The following SH2D4A variants were observed in gnomAD, a reference collection of about 807,000 sequenced individuals.
The protein encoded by SH2D4A is SH2 domain containing 4A.
SH2D4A carries 70 observed loss-of-function variants against 64.7 expected under a neutral mutation model. The observed-to-expected ratio is 1.08, with a 90% confidence interval of 0.89 to 1.32. The LOEUF is 1.32. Among genes scored for constraint, SH2D4A ranks in the 40% most tolerant of loss-of-function variants. The pLI, the probability that SH2D4A is intolerant of heterozygous loss-of-function variation, is 0.00. For missense variants in SH2D4A, 706 were observed against 540.1 expected (o/e 1.31, Z -3.04); for synonymous variants, 268 against 200.7 (o/e 1.34, Z -2.83).
At chr8:19,387,913 G>A (rs542188004) in intron 8 of SH2D4A, among the ~76,000 whole-genome samples, 1 of 152,340 alleles carries the variant, frequency 6.6e-6, no homozygotes, top group East Asian at 1.9e-4. Context: ...ATAATGAAGT[G>A]AGGATGAATA....
intron 8 of SH2D4A, among the ~76,000 whole-genome samples, chr8:19,384,229 A>G (rs1200034034): frequency 6.6e-6 from 1 of 152,184 alleles, no homozygotes; most frequent in East Asian, 1.9e-4. Context: ...CAGAGGGTCA[A>G]CACCCTCACC....
At chr8:19,361,556 T>A (rs1165917526) in intron 6 of SH2D4A, among the ~76,000 whole-genome samples, 1 of 148,392 alleles carries the variant, frequency 6.7e-6, no homozygotes, top group Non-Finnish European at 1.5e-5. Flanking sequence ...TCAAATAGCA[T>A]GATATATAGC....
intron 2 of SH2D4A, among the ~76,000 whole-genome samples, chr8:19,324,705 G>A (rs971143351): frequency 6.6e-6 from 1 of 152,138 alleles, no homozygotes; most frequent in African/African-American, 2.4e-5. Flanking sequence ...CTGCACTGGT[G>A]GTTTGTGGTT....
In SH2D4A at chr8:19,373,346, G is replaced by A. The variant is rs907707050; in HGVS notation, c.918-184G>A. Among the ~76,000 whole-genome samples, 520 of 146,258 alleles carry A rather than the reference G, an allele frequency of 3.6e-3. 1 individual carries two copies. The highest frequency in any genetic ancestry group is 4.2e-3 in the Non-Finnish European group (278 of 66,760). ...TCCCCCCACCCCCACACACACATGT[G>A]TATATATATATATATGTATATATAT... is the stretch of plus-strand genomic sequence containing the variant. On this transcript the variant is annotated intron_variant, in intron 7 of 9. Coordinates refer to ENST00000265807, the MANE Select transcript of SH2D4A (RefSeq NM_022071.4).
At chr8:19,323,458 G>A (rs2117182412) in intron 2 of SH2D4A, among the ~76,000 whole-genome samples, 1 of 149,470 alleles carries the variant, frequency 6.7e-6, no homozygotes, top group Non-Finnish European at 1.5e-5. Context: ...TCAGCTCACT[G>A]CAACCTCTGC....
intron 8 of SH2D4A, among the ~76,000 whole-genome samples, chr8:19,391,179 G>A (rs548398949): frequency 1.6e-4 from 25 of 152,254 alleles, no homozygotes; most frequent in African/African-American, 5.5e-4. Flanking sequence ...TGCAGTCCCC[G>A]CATGGGCTGG....
intron 2 of SH2D4A, among the ~76,000 whole-genome samples, chr8:19,328,089 C>T (rs2052311153): frequency 6.6e-6 from 1 of 152,184 alleles, no homozygotes; most frequent in African/African-American, 2.4e-5. Flanking sequence ...TGTTTATTGT[C>T]AATCAGGACT....
intron 7 of SH2D4A, among the ~76,000 whole-genome samples, chr8:19,366,701 A>T (rs1157942588): frequency 6.6e-6 from 1 of 152,182 alleles, no homozygotes; most frequent in Non-Finnish European, 1.5e-5. Context: ...CTGAGGCAGG[A>T]GAATCACTTG....
At chr8:19,391,335 G>A (rs1444049409) in intron 8 of SH2D4A, among the ~76,000 whole-genome samples, 1 of 152,224 alleles carries the variant, frequency 6.6e-6, no homozygotes, top group Non-Finnish European at 1.5e-5. Context: ...CATGGGGATA[G>A]TGGAGCATCT....
chr8:19,347,118 T>C (rs985154368), intron 4 of SH2D4A, among the ~76,000 whole-genome samples: 6 of 152,224 alleles, frequency 3.9e-5, no homozygotes, highest in Admixed American at 1.3e-4. Context: ...TCTGAAGTGA[T>C]GCTCTGCTTA....
chr8:19,353,368 GTTT>G (rs71545549), intron 4 of SH2D4A, among the ~76,000 whole-genome samples: 5 of 131,320 alleles, frequency 3.8e-5, no homozygotes, highest in Admixed American at 1.6e-4. Context: ...TAATCATCTA[GTTT>G]TTTTTTTTTT....
At chr8:19,383,085 G>T (rs2053325400) in intron 8 of SH2D4A, among the ~76,000 whole-genome samples, 1 of 151,696 alleles carries the variant, frequency 6.6e-6, no homozygotes. Flanking sequence ...GAATTTCTTG[G>T]ATGTTTATAT....
At chr8:19,342,369 A>G (rs370015101) in intron 4 of SH2D4A, among the ~76,000 whole-genome samples, 5 of 152,346 alleles carry the variant, frequency 3.3e-5, no homozygotes, top group African/African-American at 1.2e-4. Flanking sequence ...AATTTTGAAT[A>G]GGATAAAATC....
chr8:19,380,266 T>C (rs1050038471), intron 8 of SH2D4A, among the ~76,000 whole-genome samples: 4 of 152,226 alleles, frequency 2.6e-5, no homozygotes, highest in Non-Finnish European at 5.9e-5. Flanking sequence ...ATATTCTGGG[T>C]ATCAATCCTT....
rs150446279 is a variant in SH2D4A at position 19,353,239 on chromosome 8, A to G, written c.514-3964A>G. ...AGCATATGGAAGCTTCAGAGAGGAC[A>G]TGGTACCCTCTTTGAAAAGCCTCTT... On this transcript the variant is annotated intron_variant, in intron 4 of 9. Transcript: ENST00000265807. Among the ~76,000 whole-genome samples the G allele has an allele frequency of 1.9e-3, 292 of 152,232 alleles. 1 individual carries two copies. The highest frequency in any genetic ancestry group is 6.8e-3 in the African/African-American group (284 of 41,550).
chr8:19,346,509 A>T (rs1237372122), intron 4 of SH2D4A, among the ~76,000 whole-genome samples: 1 of 152,262 alleles, frequency 6.6e-6, no homozygotes, highest in Non-Finnish European at 1.5e-5. Flanking sequence ...CTGATTCTGC[A>T]TTATGAATTA....
At chr8:19,362,991 T>C (rs554306998) in intron 6 of SH2D4A, among the ~76,000 whole-genome samples, 4 of 152,302 alleles carry the variant, frequency 2.6e-5, no homozygotes, top group Admixed American at 1.3e-4. Context: ...GCTCCATTCA[T>C]GGTAAGTGCC....
chr8:19,327,969 C>T (rs1303997949), intron 2 of SH2D4A, among the ~76,000 whole-genome samples: 1 of 152,176 alleles, frequency 6.6e-6, no homozygotes, highest in East Asian at 1.9e-4. Flanking sequence ...CTCAGCAGGG[C>T]TTGACACTGC....
intron 8 of SH2D4A, among the ~76,000 whole-genome samples, chr8:19,392,287 A>G (rs1023704567): frequency 6.6e-6 from 1 of 152,216 alleles, no homozygotes; most frequent in Non-Finnish European, 1.5e-5. Flanking sequence ...GCTACAGGCT[A>G]AGGTACTTTA....
Sources: allele counts gnomAD v4.1 joint callset (sites outside exome capture counted in the v4.1 genomes callset), GRCh38; gene constraint gnomAD v4.1.1; transcripts MANE v1.5; gene names NCBI Gene and HGNC (gene_info 2026-07-23, HGNC 2026-07-21).